The following THNSL1 variants were observed in gnomAD, a reference collection of about 807,000 sequenced individuals.
THNSL1 encodes the protein threonine synthase like 1.
In THNSL1, 48 loss-of-function variants were observed where a neutral mutation model predicts 50.4. That is an observed-to-expected ratio of 0.95 (90% CI 0.76 to 1.21). The LOEUF is 1.21. Among genes scored for constraint, THNSL1 ranks in the 50% most tolerant of loss-of-function variants. The pLI, the probability that THNSL1 is intolerant of heterozygous loss-of-function variation, is 0.00. For missense variants in THNSL1, 896 were observed against 871.7 expected, an observed-to-expected ratio of 1.03 and a Z score of -0.35; for synonymous variants, 309 against 306.1, an observed-to-expected ratio of 1.01 and a Z score of -0.10.
the THNSL1 span, among the ~76,000 whole-genome samples, chr10:24,977,341 G>T: frequency 6.6e-6 from 1 of 152,138 alleles, no homozygotes; most frequent in Non-Finnish European, 1.5e-5. Flanking sequence ...ATGTGAAAGG[G>T]ACACGAGAAA....
chr10:24,960,809 C>T, the THNSL1 span, among the ~76,000 whole-genome samples: 1 of 151,906 alleles, frequency 6.6e-6, no homozygotes, highest in Non-Finnish European at 1.5e-5. Flanking sequence ...AGGCTGGTTT[C>T]GAACTCCTGG....
the THNSL1 span, among the ~76,000 whole-genome samples, chr10:25,000,109 T>C: frequency 1.3e-5 from 2 of 152,218 alleles, no homozygotes; most frequent in Admixed American, 1.3e-4. Context: ...TGTTTAGACA[T>C]GCTTAGTTTT....
the THNSL1 span, among the ~76,000 whole-genome samples, chr10:24,993,152 T>C: frequency 6.6e-6 from 1 of 152,020 alleles, no homozygotes; most frequent in Non-Finnish European, 1.5e-5. Flanking sequence ...TTAAGTGTTT[T>C]TAAAAAGAAA....
chr10:24,965,581 G>A, the THNSL1 span, among the ~76,000 whole-genome samples: 1 of 152,334 alleles, frequency 6.6e-6, no homozygotes, highest in East Asian at 1.9e-4. Flanking sequence ...AGTTCTCTGT[G>A]AAATATAATC....
chr10:25,007,285 T>C, the THNSL1 span, among the ~76,000 whole-genome samples: 2 of 152,242 alleles, frequency 1.3e-5, no homozygotes, highest in African/African-American at 4.8e-5. Context: ...AGCTCACTTA[T>C]ACATTTCCCT....
the THNSL1 span, among the ~76,000 whole-genome samples, chr10:25,005,787 C>T: frequency 3.3e-5 from 5 of 152,338 alleles, no homozygotes; most frequent in African/African-American, 1.2e-4. Context: ...ACTTACTTGA[C>T]AACACAGGCA....
rs1269598003 is a variant in THNSL1 at position 25,024,721 on chromosome 10, A to T, written c.1498A>T (p.Ser500Cys). Residue 500 changes from serine to cysteine, a missense_variant, in exon 3 of 3, where the codon AGC becomes TGC. Ser to Cys is a moderately radical substitution (Grantham distance 112). Transcript: ENST00000376356. ...TAGTCAAGGATTTATTTCTTTTGGAAGCCCAGTCGATGTCTGTATTCCCAC... is the reference window on the plus strand; with the variant it reads ...TAGTCAAGGATTTATTTCTTTTGGATGCCCAGTCGATGTCTGTATTCCCAC... ...LVSQGFISFG[S>C]PVDVCIPTGN... is the part of the protein sequence containing the mutation. The T allele has an allele frequency of 1.2e-6, 2 of 1,614,052 alleles. No individual in the cohort carries two copies. The highest frequency in any genetic ancestry group is 1.7e-6 in the Non-Finnish European group (2 of 1,180,030).
chr10:24,986,080 C>G, the THNSL1 span, among the ~76,000 whole-genome samples: 2 of 152,086 alleles, frequency 1.3e-5, no homozygotes, highest in African/African-American at 4.8e-5. Flanking sequence ...AAAACAAAAA[C>G]AAAACCAAAA....
chr10:25,017,697 C>G (rs1850635408), intron 1 of THNSL1, among the ~76,000 whole-genome samples: 2 of 151,562 alleles, frequency 1.3e-5, no homozygotes, highest in South Asian at 4.2e-4. Flanking sequence ...GATTTCTTCA[C>G]ATCAGATTGT....
the THNSL1 span, among the ~76,000 whole-genome samples, chr10:24,979,557 T>C: frequency 6.6e-6 from 1 of 152,216 alleles, no homozygotes; most frequent in East Asian, 1.9e-4. Context: ...TGTTTTGGCC[T>C]TTCATTTACT....
chr10:25,008,236 C>T, the THNSL1 span, among the ~76,000 whole-genome samples: 3 of 152,054 alleles, frequency 2.0e-5, no homozygotes, highest in Admixed American at 1.3e-4. Context: ...CATAAAATGT[C>T]ATCATGACAA....
At chr10:25,000,357 T>C in the THNSL1 span, among the ~76,000 whole-genome samples, 3 of 152,184 alleles carry the variant, frequency 2.0e-5, no homozygotes, top group African/African-American at 4.8e-5. Context: ...TATCTTCAAA[T>C]GTTCTGTATC....
chr10:25,005,484 C>A, the THNSL1 span, among the ~76,000 whole-genome samples: 7 of 152,034 alleles, frequency 4.6e-5, no homozygotes, highest in South Asian at 2.1e-4. Flanking sequence ...CTCTAATGGG[C>A]AAAATAGGCA....
At chr10:24,984,861 G>T in the THNSL1 span, 1 of 1,613,190 alleles carries the variant, frequency 6.2e-7, no homozygotes. Flanking sequence ...AGACCGAGAG[G>T]GACTGGAATT....
At chr10:24,985,302 T>G in the THNSL1 span, among the ~76,000 whole-genome samples, 1 of 152,218 alleles carries the variant, frequency 6.6e-6, no homozygotes, top group Non-Finnish European at 1.5e-5. Context: ...TTGTAAAATT[T>G]TATTTTTTAT....
intron 1 of THNSL1, among the ~76,000 whole-genome samples, chr10:25,021,207 A>G (rs1850712102): frequency 6.6e-6 from 1 of 152,216 alleles, no homozygotes. Flanking sequence ...ATCTTACTGT[A>G]AATATTTTGT....
At chr10:24,965,256 T>C in the THNSL1 span, among the ~76,000 whole-genome samples, 3 of 152,124 alleles carry the variant, frequency 2.0e-5, no homozygotes, top group African/African-American at 7.2e-5. Context: ...CAACTGCAAT[T>C]GATTGATGTG....
the THNSL1 span, chr10:24,952,710 C>T: frequency 1.2e-6 from 1 of 828,470 alleles, no homozygotes; most frequent in South Asian, 1.9e-5. This position sits in a 1 kb window ranked among gnomAD's most constrained non-coding sequence, Gnocchi z 5.1. Flanking sequence ...GTCCGCCCCG[C>T]CCCGGGCCCG....
chr10:24,969,139 C>A, the THNSL1 span, among the ~76,000 whole-genome samples: 1 of 152,186 alleles, frequency 6.6e-6, no homozygotes, highest in Admixed American at 6.5e-5. Flanking sequence ...AGTGATCCAC[C>A]CGCCGCGGCC....
Sources: allele counts gnomAD v4.1 joint callset (sites outside exome capture counted in the v4.1 genomes callset), GRCh38; gene constraint gnomAD v4.1.1; non-coding constraint Gnocchi (gnomAD v3.1); transcripts MANE v1.5; gene names NCBI Gene and HGNC (gene_info 2026-07-23, HGNC 2026-07-21).